The following HARS2 variants were observed in gnomAD, a reference collection of about 807,000 sequenced individuals.
HARS2 encodes the protein histidyl-tRNA synthetase 2, mitochondrial.
HARS2 carries 40 observed loss-of-function variants against 62.4 expected under a neutral mutation model. The ratio of observed to expected loss-of-function variants is 0.64; its 90% CI spans 0.50 to 0.83. The LOEUF is 0.83. Among genes scored for constraint, HARS2 ranks in the 40% least tolerant of loss-of-function variants. HARS2 has a pLI of 0.00. For synonymous variants in HARS2, 228 were observed against 227.0 expected (o/e 1.00, Z -0.04); for missense variants, 569 against 626.4 (o/e 0.91, Z 0.98).
At chr5:140,692,545 A>G (rs985969840) in intron 1 of HARS2, among the ~76,000 whole-genome samples, 7 of 152,208 alleles carry the variant, frequency 4.6e-5, no homozygotes, top group Non-Finnish European at 1.0e-4. Context: ...CTTGTCTTCA[A>G]GTTACAGTTT....
In HARS2 at chr5:140,695,484, TCTTC is replaced by T. The variant is rs1266009512; in HGVS notation, c.400-20_400-17del. 12 of 1,613,824 alleles carry T rather than the reference TCTTC, an allele frequency of 7.4e-6. No individual in the cohort carries two copies. Among genetic ancestry groups the T allele is most frequent in the Non-Finnish European group, 9.3e-6 (11 of 1,179,894 alleles). On this transcript the variant is annotated intron_variant, in intron 4 of 12. Coordinates refer to ENST00000230771, the MANE Select transcript of HARS2 (RefSeq NM_012208.4). ...GCCTAATCTTTGGATGCAGTATCCC[TCTTC>T]CTTAACCCATTTATGTGAGGTTCCC... is the stretch of plus-strand genomic sequence containing the variant.
In HARS2 at chr5:140,699,289, A is replaced by G; in HGVS notation, c.*737A>G. The G allele has an allele frequency of 6.5e-6, 1 of 153,758 alleles. No homozygotes were observed. Among genetic ancestry groups the G allele is most frequent in the Non-Finnish European group, 1.4e-5 (1 of 69,182 alleles). 9.5% of individuals were successfully genotyped at this position (153,758 alleles called of 1,614,324 possible). A position where few individuals can be genotyped will look rare whatever the true frequency, so the allele number is the denominator to read the frequency against. On this transcript the variant is annotated 3_prime_UTR_variant, in exon 13 of 13. Transcript: ENST00000230771. ...TAGAAGTGGTTGGATAACATGTTAA[A>G]TAAAATATTAAGTGTAGTAGTTTGG... is the stretch of plus-strand genomic sequence containing the variant.
At chr5:140,697,453 T>G (rs1759796837) in intron 10 of HARS2, 47 bp downstream of exon 10, 7 of 1,613,174 alleles carry the variant, frequency 4.3e-6, no homozygotes, top group Non-Finnish European at 5.9e-6. Flanking sequence ...CTAAAAACCC[T>G]CCTGTTTCTG....
rs367957729 is a variant in HARS2, at chr5:140,697,084, C to G, written c.954+14C>G. 1.9e-6 allele frequency: 3 copies of G among 1,614,006 alleles called. No individual in the cohort carries two copies. The African/African-American group carries it at 4.0e-5, about 22-fold the overall frequency. On this transcript the variant is annotated intron_variant, in intron 9 of 12. Transcript: ENST00000230771. The stretch of plus-strand genomic sequence containing the variant: ...ATTGCTGATAAGGTAAGCTGAATTG[C>G]AAATGGACCTCCTGCTGAGCTCTAG...
chr5:140,693,735 CT>C, intron 2 of HARS2, 70 bp downstream of exon 2: 1 of 1,326,968 alleles, frequency 7.5e-7, no homozygotes, highest in African/African-American at 1.4e-5. Context: ...GCATGTCTCT[CT>C]GACCCCTTTT....
At chr5:140,698,169 T>C (rs981300436) in intron 12 of HARS2, 91 bp downstream of exon 12, 2 of 1,237,388 alleles carry the variant, frequency 1.6e-6, no homozygotes, top group Non-Finnish European at 2.3e-6. Context: ...TGAGAAATTA[T>C]CTTCATGGTT....
In HARS2 at chr5:140,697,696, G is replaced by A. The variant is rs760515856; in HGVS notation, c.1314+11G>A. 6.4e-7 allele frequency: 1 copy of A among 1,556,614 alleles called. No individual in the cohort carries two copies. Among genetic ancestry groups the A allele is most frequent in the Non-Finnish European group, 8.9e-7 (1 of 1,127,530 alleles). On this transcript the variant is annotated intron_variant, in intron 11 of 12. Transcript: ENST00000230771. ...GATTCTGGAATCAAGGTATGGTGGAGCTGATATCTGAGCCATCTGGGTATG... is the reference window on the plus strand; with the variant it reads ...GATTCTGGAATCAAGGTATGGTGGAACTGATATCTGAGCCATCTGGGTATG...
rs777761792 is a variant in HARS2, at chr5:140,695,648, G to C, written c.525+15G>C. 1 of 1,614,054 alleles carries C rather than the reference G, an allele frequency of 6.2e-7. No homozygotes were observed. Among genetic ancestry groups the C allele is most frequent in the South Asian group, 1.1e-5 (1 of 91,064 alleles). ...TCTGCCAGTGTGTAAGTGACCTGAT[G>C]GGAGCAGCACAGTTTGATAGTTCTA... On this transcript the variant is annotated intron_variant, in intron 5 of 12. Coordinates refer to ENST00000230771, the MANE Select transcript of HARS2 (RefSeq NM_012208.4).
intron 12 of HARS2, 118 bp from the exon 13 acceptor site, chr5:140,698,375 C>T: frequency 1.1e-6 from 1 of 869,864 alleles, no homozygotes; most frequent in African/African-American, 1.6e-5. Flanking sequence ...CACACTACTC[C>T]TTTCTGGTTG....
Position 140,695,562 on chromosome 5 carries a change from C to G in HARS2, c.454C>G (p.His152Asp). 6.2e-7 allele frequency: 1 copy of G among 1,614,100 alleles called. No individual in the cohort carries two copies. Among genetic ancestry groups the G allele is most frequent in the Non-Finnish European group, 8.5e-7 (1 of 1,179,992 alleles). The change falls in exon 5 of 13, where the codon CAT becomes GAT. Residue 152 changes from histidine to aspartate, a missense_variant. By Grantham distance (81) the His-to-Asp change is moderately conservative (BLOSUM62 -1). Transcript: ENST00000230771. ...MNKVKKMKRYHVGKVWRRESP... is the reference protein window; with the variant it reads ...MNKVKKMKRYDVGKVWRRESP... ...TAAGGTGAAGAAGATGAAACGTTAT[C>G]ATGTTGGAAAGGTGTGGCGGCGAGA...
chr5:140,697,086 A>C lies in HARS2; in HGVS notation c.954+16A>C. On this transcript the variant is annotated intron_variant, in intron 9 of 12. Coordinates refer to ENST00000230771, the MANE Select transcript of HARS2 (RefSeq NM_012208.4). ...TGCTGATAAGGTAAGCTGAATTGCA[A>C]ATGGACCTCCTGCTGAGCTCTAGGG... 1 of 1,614,140 alleles carries C rather than the reference A, an allele frequency of 6.2e-7. No homozygotes were observed. Among genetic ancestry groups the C allele is most frequent in the Non-Finnish European group, 8.5e-7 (1 of 1,180,044 alleles).
At chr5:140,693,405 G>T in intron 1 of HARS2, 186 bp from the exon 2 acceptor site, 7 of 1,158,304 alleles carry the variant, frequency 6.0e-6, no homozygotes, top group East Asian at 2.6e-5. Flanking sequence ...TATATTACAC[G>T]TGTAATTGTA....
In HARS2 at chr5:140,695,567, T is replaced by G; in HGVS notation, c.459T>G (p.Val153=). 6.2e-7 allele frequency: 1 copy of G among 1,614,178 alleles called. No individual in the cohort carries two copies. Among genetic ancestry groups the G allele is most frequent in the Non-Finnish European group, 8.5e-7 (1 of 1,180,026 alleles). The part of the protein sequence containing the change: ...NKVKKMKRYH[V]GKVWRRESPT... ...TGAAGAAGATGAAACGTTATCATGT[T>G]GGAAAGGTGTGGCGGCGAGAGAGCC... Residue 153 remains valine (V), a synonymous_variant, in exon 5 of 13, where the codon GTT becomes GTG. Transcript: ENST00000230771.
chr5:140,694,307 C>G (rs975734645), intron 4 of HARS2, 27 bp downstream of exon 4: 1 of 1,468,364 alleles, frequency 6.8e-7, no homozygotes, highest in African/African-American at 1.4e-5. Flanking sequence ...TGGAGCCTGA[C>G]CTGTCTCTTT....
In HARS2 at chr5:140,691,461, G is replaced by A; in HGVS notation, c.-188G>A. Reference sequence around the variant, plus strand: ...TCCGGCTCCTCCCGGAAGTGCCGAAGCTGGCTACTAAGGGAACTTGGGAGG... The same window carrying A: ...TCCGGCTCCTCCCGGAAGTGCCGAAACTGGCTACTAAGGGAACTTGGGAGG... On this transcript the variant is annotated 5_prime_UTR_variant, in exon 1 of 13. Transcript: ENST00000230771. 2.8e-6 allele frequency: 2 copies of A among 714,676 alleles called. No homozygotes were observed. The highest frequency in any genetic ancestry group is 2.3e-6 in the Non-Finnish European group (1 of 425,612). The allele number at this position is 714,676 out of a possible 1,614,324, so 44.3% of individuals were successfully genotyped here.
intron 1 of HARS2, 65 bp downstream of exon 1, chr5:140,691,821 C>G: frequency 1.8e-6 from 2 of 1,121,836 alleles, no homozygotes; most frequent in Non-Finnish European, 2.6e-6. Context: ...CGCATAGCCT[C>G]GCGGCCTGTA....
At chr5:140,696,059 A>C (rs770076212) in intron 6 of HARS2, 44 bp from the exon 7 acceptor site, 1 of 1,371,424 alleles carries the variant, frequency 7.3e-7, no homozygotes, top group East Asian at 2.3e-5. Context: ...TTTTGAGTGG[A>C]AGGGCATTGA....
At position 140,694,786 on chromosome 5, in the gene HARS2, G is replaced by T. The variant is rs544881307; in HGVS notation, c.399+506G>T. 4.6e-5 allele frequency among the ~76,000 whole-genome samples: 7 copies of T among 151,438 alleles called. 1 individual carries two copies. The East Asian group carries it at 1.4e-3, about 29-fold the overall frequency. On this transcript the variant is annotated intron_variant, in intron 4 of 12. Transcript: ENST00000230771. The stretch of plus-strand genomic sequence containing the variant: ...CACCTTGTCTCCACAGATCTCTTTT[G>T]ACGTAAAAAGTTAGCTGGCTGTGGT...
intron 4 of HARS2, among the ~76,000 whole-genome samples, chr5:140,695,183 A>G (rs1039394354): frequency 3.3e-5 from 5 of 152,164 alleles, no homozygotes; most frequent in Non-Finnish European, 2.9e-5. Context: ...GGCAAATCCA[A>G]GTTCTGAAGC....
Sources: allele counts gnomAD v4.1 joint callset (sites outside exome capture counted in the v4.1 genomes callset), GRCh38; gene constraint gnomAD v4.1.1; transcripts MANE v1.5; gene names NCBI Gene and HGNC (gene_info 2026-07-23, HGNC 2026-07-21).